Variants in TMTC2 observed in about 807,000 individuals in gnomAD.
The protein encoded by TMTC2 is protein O-mannosyl-transferase TMTC2.
A neutral mutation model predicts 82.4 loss-of-function variants in TMTC2; 43 were observed. The observed-to-expected ratio is 0.52, with a 90% confidence interval of 0.41 to 0.67. The LOEUF is 0.67. Ranked by LOEUF, TMTC2 falls within the 30% of genes least tolerant of loss-of-function variation. The pLI is 0.00. For missense variants in TMTC2, 919 were observed against 1,012.4 expected, an observed-to-expected ratio of 0.91 and a Z score of 1.25; for synonymous variants, 408 against 381.9, an observed-to-expected ratio of 1.07 and a Z score of -0.80.
intron 8 of TMTC2, among the ~76,000 whole-genome samples, chr12:83,010,899 A>G (rs1880427488): frequency 6.6e-6 from 1 of 152,180 alleles, no homozygotes; most frequent in South Asian, 2.1e-4. Context: ...CAATGGTGCG[A>G]TCTCAGCTCA....
intron 11 of TMTC2, among the ~76,000 whole-genome samples, chr12:83,081,229 C>A (rs1029670954): frequency 6.6e-6 from 1 of 152,206 alleles, no homozygotes; most frequent in East Asian, 1.9e-4. Flanking sequence ...CTTCAAGAAA[C>A]ATACCAAAGA....
rs369578433 is a variant in TMTC2 at position 83,059,268 on chromosome 12, T to G, written c.2268-2500T>G. 3.5e-4 allele frequency among the ~76,000 whole-genome samples: 53 copies of G among 151,924 alleles called. 1 individual carries two copies. The highest frequency in any genetic ancestry group is 3.1e-3 in the East Asian group (16 of 5,164). ...TTCAATCATCCCTACAGTTAAGATT[T>G]ATTAAGTGCTCCCAGGATGCTGTGT... On this transcript the variant is annotated intron_variant, in intron 10 of 11. Transcript: ENST00000321196.
At chr12:82,794,377 T>C (rs1242255981) in intron 1 of TMTC2, among the ~76,000 whole-genome samples, 1 of 152,092 alleles carries the variant, frequency 6.6e-6, no homozygotes, top group African/African-American at 2.4e-5. Flanking sequence ...AAAGGGCCTG[T>C]GTTGGGGGGA....
intron 11 of TMTC2, among the ~76,000 whole-genome samples, chr12:83,069,960 T>A (rs1334735862): frequency 6.6e-6 from 1 of 152,044 alleles, no homozygotes; most frequent in Non-Finnish European, 1.5e-5. Context: ...TTTCCCCACT[T>A]TATGTTTTTG....
intron 11 of TMTC2, among the ~76,000 whole-genome samples, chr12:83,124,285 G>GA (rs1341324347): frequency 1.3e-5 from 2 of 152,144 alleles, no homozygotes; most frequent in Non-Finnish European, 2.9e-5. Context: ...GATTGGTATA[G>GA]AATTTACCTC....
chr12:82,712,235 G>C (rs1248108780), intron 1 of TMTC2, among the ~76,000 whole-genome samples: 2 of 152,054 alleles, frequency 1.3e-5, no homozygotes, highest in African/African-American at 4.8e-5. Context: ...TTCGAGACCA[G>C]CCCAGCCAAT....
At chr12:83,033,743 T>C (rs974178489) in intron 9 of TMTC2, among the ~76,000 whole-genome samples, 10 of 151,372 alleles carry the variant, frequency 6.6e-5, no homozygotes, top group Non-Finnish European at 1.2e-4. Context: ...AGAGCAAGAC[T>C]CTTGTCTCAA....
rs188220271 is a variant in TMTC2, at chr12:82,765,937, G to A, written c.83+78268G>A. ...TGAAAAATGTTCATGAACTCAGTGG[G>A]TTTCAACATCATTATTTCTGACCAT... On this transcript the variant is annotated intron_variant, in intron 1 of 11. Coordinates refer to ENST00000321196, the MANE Select transcript of TMTC2 (RefSeq NM_152588.3). Among the ~76,000 whole-genome samples, 221 of 152,242 alleles carry A rather than the reference G, an allele frequency of 1.5e-3. 3 individuals are homozygous for A. The highest frequency in any genetic ancestry group is 4.8e-3 in the African/African-American group (201 of 41,540).
intron 1 of TMTC2, among the ~76,000 whole-genome samples, chr12:82,709,872 A>C (rs1873543012): frequency 6.6e-6 from 1 of 152,230 alleles, no homozygotes; most frequent in South Asian, 2.1e-4. Flanking sequence ...GCCAAAGAAG[A>C]AACAATCAAT....
chr12:83,071,372 T>C (rs1226440330), intron 11 of TMTC2, among the ~76,000 whole-genome samples: 5 of 152,098 alleles, frequency 3.3e-5, no homozygotes, highest in African/African-American at 1.2e-4. Context: ...TTAGCCAGGA[T>C]GGTCTCAATC....
At chr12:82,782,347 A>G (rs1232410473) in intron 1 of TMTC2, among the ~76,000 whole-genome samples, 1 of 152,002 alleles carries the variant, frequency 6.6e-6, no homozygotes, top group Non-Finnish European at 1.5e-5. Flanking sequence ...AATTCAGTGG[A>G]CTCTTATGTA....
intron 11 of TMTC2, among the ~76,000 whole-genome samples, chr12:83,087,799 T>C (rs564793717): frequency 1.4e-5 from 2 of 143,824 alleles, no homozygotes; most frequent in Non-Finnish European, 3.0e-5. Context: ...ATTCCATTTA[T>C]AGAGCACAAG....
intron 1 of TMTC2, among the ~76,000 whole-genome samples, chr12:82,714,498 G>A (rs1873803980): frequency 6.6e-6 from 1 of 151,984 alleles, no homozygotes; most frequent in African/African-American, 2.4e-5. Context: ...AAAAACAAAA[G>A]GTATTTGGGT....
chr12:82,717,770 C>T (rs1379234325), intron 1 of TMTC2, among the ~76,000 whole-genome samples: 1 of 152,120 alleles, frequency 6.6e-6, no homozygotes, highest in Non-Finnish European at 1.5e-5. Context: ...TTTGAAATTA[C>T]AAATTGTTAG....
chr12:82,733,780 A>G (rs1400974295), intron 1 of TMTC2, among the ~76,000 whole-genome samples: 1 of 152,210 alleles, frequency 6.6e-6, no homozygotes, highest in Non-Finnish European at 1.5e-5. Context: ...TTCTGTATCG[A>G]AATTTGTGTA....
At chr12:82,875,305 A>C (rs1054405449) in intron 2 of TMTC2, among the ~76,000 whole-genome samples, 12 of 152,060 alleles carry the variant, frequency 7.9e-5, no homozygotes, top group Non-Finnish European at 1.5e-4. Flanking sequence ...TTTATCTGAC[A>C]CTTTAACTCT....
chr12:82,740,863 G>A (rs1875366852), intron 1 of TMTC2, among the ~76,000 whole-genome samples: 1 of 152,170 alleles, frequency 6.6e-6, no homozygotes, highest in Non-Finnish European at 1.5e-5. Context: ...CTTTCATGCT[G>A]CCCGAGCAAT....
intron 3 of TMTC2, among the ~76,000 whole-genome samples, chr12:82,915,204 A>T (rs1187910737): frequency 1.3e-5 from 2 of 152,150 alleles, no homozygotes; most frequent in African/African-American, 4.8e-5. Flanking sequence ...ACTTTGCAGT[A>T]AGGTAGATGT....
chr12:82,927,831 A>G (rs1429416068), intron 3 of TMTC2, among the ~76,000 whole-genome samples: 1 of 152,202 alleles, frequency 6.6e-6, no homozygotes, highest in African/African-American at 2.4e-5. Context: ...GCAACAAAGT[A>G]TTTTTTAATT....
Sources: allele counts gnomAD v4.1 joint callset (sites outside exome capture counted in the v4.1 genomes callset), GRCh38; gene constraint gnomAD v4.1.1; transcripts MANE v1.5; gene names NCBI Gene and HGNC (gene_info 2026-07-23, HGNC 2026-07-21).